Variants in MYRIP observed in about 807,000 individuals in gnomAD.
MYRIP encodes the protein rab effector MyRIP.
In MYRIP, 49 loss-of-function variants were observed where a neutral mutation model predicts 98.0. The ratio of observed to expected loss-of-function variants is 0.50; its 90% CI spans 0.40 to 0.63. The LOEUF (loss-of-function observed/expected upper bound fraction) is 0.63, where lower values mean the gene tolerates loss of function less well. Among genes scored for constraint, MYRIP ranks in the 30% least tolerant of loss-of-function variants. The probability of loss-of-function intolerance (pLI) is 0.00; values close to 1 mark genes in which losing one functional copy is unlikely to be tolerated. For missense variants in MYRIP, 1,004 were observed against 1,058.2 expected, an observed-to-expected ratio of 0.95 and a Z score of 0.71; for synonymous variants, 404 against 409.5, an observed-to-expected ratio of 0.99 and a Z score of 0.16.
chr3:39,915,776 T>C (rs968646711), intron 2 of MYRIP, among the ~76,000 whole-genome samples: 1 of 151,720 alleles, frequency 6.6e-6, no homozygotes, highest in African/African-American at 2.4e-5. Flanking sequence ...AAAAATGACA[T>C]CTGAGACAGC....
intron 1 of MYRIP, among the ~76,000 whole-genome samples, chr3:39,852,022 G>A (rs1405891340): frequency 6.6e-6 from 1 of 152,104 alleles, no homozygotes; most frequent in Non-Finnish European, 1.5e-5. Flanking sequence ...GGAGTTCTTT[G>A]TTCATTCTTT....
In MYRIP at chr3:39,931,554, A is replaced by G. The variant is rs1161910763; in HGVS notation, c.110+30628A>G. Among the ~76,000 whole-genome samples, 4 of 151,882 alleles carry G rather than the reference A, an allele frequency of 2.6e-5. No homozygotes were observed. In the East Asian group the frequency reaches 7.7e-4, roughly 29 times the overall value. On this transcript the variant is annotated intron_variant, in intron 2 of 16. Transcript: ENST00000302541. The stretch of plus-strand genomic sequence containing the variant: ...GTCCAGGATCTCCAGTACAATACTG[A>G]ATAGAAGTGATGAGAGATCCTTGTA...
intron 11 of MYRIP, among the ~76,000 whole-genome samples, chr3:40,222,639 G>C (rs995811951): frequency 6.7e-6 from 1 of 149,374 alleles, no homozygotes; most frequent in African/African-American, 2.5e-5. Context: ...GGAATTGGAA[G>C]TTCAACATTG....
intron 2 of MYRIP, among the ~76,000 whole-genome samples, chr3:39,959,226 A>G (rs1224542766): frequency 8.1e-6 from 1 of 123,400 alleles, no homozygotes; most frequent in Non-Finnish European, 1.8e-5. Flanking sequence ...ATGCACACGT[A>G]TGTTTATTGT....
chr3:40,172,859 C>T (rs1399095963), intron 8 of MYRIP, among the ~76,000 whole-genome samples: 2 of 152,190 alleles, frequency 1.3e-5, no homozygotes, highest in Non-Finnish European at 2.9e-5. Flanking sequence ...CCACTCACTG[C>T]ATCTTGGGGC....
intron 2 of MYRIP, among the ~76,000 whole-genome samples, chr3:39,995,374 T>G (rs12633975): frequency 0.1 from 15,379 of 152,060 alleles, 1,354 homozygotes; most frequent in African/African-American, 0.23. Context: ...CATGGCACGA[T>G]AACTACATGA....
intron 3 of MYRIP, among the ~76,000 whole-genome samples, chr3:40,139,952 T>C (rs1333420771): frequency 3.3e-5 from 5 of 152,248 alleles, no homozygotes; most frequent in Non-Finnish European, 7.3e-5. Flanking sequence ...ATTCACCTGC[T>C]GATGAACATT....
intron 2 of MYRIP, among the ~76,000 whole-genome samples, chr3:39,939,783 G>T (rs1944740028): frequency 6.6e-6 from 1 of 152,098 alleles, no homozygotes; most frequent in Admixed American, 6.6e-5. Flanking sequence ...AAGATTTAAT[G>T]GCAGGATAAT....
rs143748168 is a variant in MYRIP at position 39,946,944 on chromosome 3, C to CA, written c.110+46025dup. Among the ~76,000 whole-genome samples the CA allele has an allele frequency of 1.1e-3, 172 of 151,938 alleles. 1 individual carries two copies. In the East Asian group the frequency reaches 0.03, roughly 27 times the overall value. ...AAGGTTGGAGTGGTGCTATTAATGC[C>CA]AAAAAAAGTTGGAATTCGCTAAAGG... is the stretch of plus-strand genomic sequence containing the variant. On this transcript the variant is annotated intron_variant, in intron 2 of 16. Coordinates refer to ENST00000302541, the MANE Select transcript of MYRIP (RefSeq NM_015460.4).
chr3:40,152,954 CA>C (rs3063626), intron 4 of MYRIP, among the ~76,000 whole-genome samples: 5,004 of 147,280 alleles, frequency 0.034, 88 homozygotes, highest in Middle Eastern at 0.049. Context: ...CTGTCTCTAC[CA>C]AAAAAAAAAA....
chr3:39,900,680 T>C (rs1219371966), intron 1 of MYRIP, 107 bp from the exon 2 acceptor site: 3 of 585,804 alleles, frequency 5.1e-6, no homozygotes, highest in Non-Finnish European at 8.8e-6. Context: ...CTACCTTACA[T>C]AAACACTTAC....
At chr3:39,982,586 C>T (rs796600849) in intron 2 of MYRIP, among the ~76,000 whole-genome samples, 22 of 152,238 alleles carry the variant, frequency 1.4e-4, no homozygotes, top group African/African-American at 5.3e-4. Context: ...TTGGGAACTA[C>T]ACAAAATATT....
chr3:40,090,935 G>A (rs937744960), intron 3 of MYRIP, among the ~76,000 whole-genome samples: 3 of 152,136 alleles, frequency 2.0e-5, no homozygotes, highest in African/African-American at 2.4e-5. Context: ...AGAGGATGCC[G>A]TTTCTTTCTT....
intron 3 of MYRIP, among the ~76,000 whole-genome samples, chr3:40,053,877 TA>T (rs1947836216): frequency 6.6e-6 from 1 of 152,108 alleles, no homozygotes; most frequent in Non-Finnish European, 1.5e-5. Context: ...ACAAGGCACT[TA>T]ACTGCACACT....
chr3:40,126,327 T>C (rs939541335), intron 3 of MYRIP, among the ~76,000 whole-genome samples: 6 of 152,216 alleles, frequency 3.9e-5, no homozygotes, highest in African/African-American at 1.2e-4. Context: ...GTTTAAGAAC[T>C]GCTAAAGGTT....
chr3:40,037,399 C>G (rs1697005980), intron 2 of MYRIP, among the ~76,000 whole-genome samples: 1 of 151,976 alleles, frequency 6.6e-6, no homozygotes, highest in Non-Finnish European at 1.5e-5. Context: ...TAGAGGGAGG[C>G]AGGTTTGCAT....
intron 1 of MYRIP, among the ~76,000 whole-genome samples, chr3:39,859,415 T>C: frequency 6.6e-6 from 1 of 152,152 alleles, no homozygotes; most frequent in Non-Finnish European, 1.5e-5. Flanking sequence ...AGCCCCAGAC[T>C]AGATGACTTT....
At chr3:40,252,190 A>G (rs1953397511) in intron 16 of MYRIP, among the ~76,000 whole-genome samples, 191 bp downstream of exon 16, 1 of 152,144 alleles carries the variant, frequency 6.6e-6, no homozygotes, top group South Asian at 2.1e-4. Context: ...TTGGTTGAAT[A>G]AGGCCATGAA....
rs576290556 is a variant in MYRIP, at chr3:39,888,817, C to T, written c.-30-11970C>T. 1.2e-3 allele frequency among the ~76,000 whole-genome samples: 179 copies of T among 152,202 alleles called. 2 individuals carry two copies. The South Asian group carries it at 0.036, about 31-fold the overall frequency. ...TAATATCCAGAATCTACAATGAACTCAAACAAATTTACAAGAAACAAACAA... is the reference window on the plus strand; with the variant it reads ...TAATATCCAGAATCTACAATGAACTTAAACAAATTTACAAGAAACAAACAA... On this transcript the variant is annotated intron_variant, in intron 1 of 16. Coordinates refer to ENST00000302541, the MANE Select transcript of MYRIP (RefSeq NM_015460.4).
Sources: allele counts gnomAD v4.1 joint callset (sites outside exome capture counted in the v4.1 genomes callset), GRCh38; gene constraint gnomAD v4.1.1; transcripts MANE v1.5; gene names NCBI Gene and HGNC (gene_info 2026-07-23, HGNC 2026-07-21).